PRRC2C: variants seen among roughly 807,000 people sequenced by gnomAD.
The protein encoded by PRRC2C is protein PRRC2C.
In PRRC2C, 72 loss-of-function variants were observed where a neutral mutation model predicts 317.2. The ratio of observed to expected loss-of-function variants is 0.23; its 90% CI spans 0.19 to 0.28. The LOEUF is 0.28. PRRC2C is among the 10% of genes least tolerant of loss of function. The pLI is 1.00. For missense variants in PRRC2C, 3,074 were observed against 3,459.7 expected, an observed-to-expected ratio of 0.89 and a Z score of 2.80; for synonymous variants, 1,296 against 1,205.9, an observed-to-expected ratio of 1.07 and a Z score of -1.55.
At chr1:171,506,767 A>C (rs1028634894) in intron 1 of PRRC2C, among the ~76,000 whole-genome samples, 2 of 150,352 alleles carry the variant, frequency 1.3e-5, no homozygotes, top group East Asian at 2.0e-4. Context: ...TGCAGCCTGC[A>C]GTATTGTTTC....
At chr1:171,547,593 A>C (rs1679350848) in intron 17 of PRRC2C, among the ~76,000 whole-genome samples, 1 of 151,988 alleles carries the variant, frequency 6.6e-6, no homozygotes, top group African/African-American at 2.4e-5. Flanking sequence ...TATAAATCAG[A>C]ATAAACTGGG....
At chr1:171,536,915 A>G (rs1361538339) in intron 14 of PRRC2C, among the ~76,000 whole-genome samples, 1 of 152,222 alleles carries the variant, frequency 6.6e-6, no homozygotes, top group Non-Finnish European at 1.5e-5. Context: ...TTATCATAGT[A>G]TAATTTTCAT....
chr1:171,576,183 G>A (rs1685662290), intron 25 of PRRC2C, among the ~76,000 whole-genome samples: 1 of 152,310 alleles, frequency 6.6e-6, no homozygotes, highest in East Asian at 1.9e-4. Flanking sequence ...ACTAGCTTGA[G>A]CCCCAGTCCA....
intron 19 of PRRC2C, among the ~76,000 whole-genome samples, chr1:171,558,378 T>TA (rs1553235973): frequency 1.3e-5 from 2 of 150,726 alleles, no homozygotes; most frequent in Admixed American, 6.6e-5. Flanking sequence ...AGGCAATGTT[T>TA]GGGGGGGTCT....
chr1:171,546,747 T>G (rs1268434088), intron 17 of PRRC2C, among the ~76,000 whole-genome samples: 1 of 152,126 alleles, frequency 6.6e-6, no homozygotes, highest in Non-Finnish European at 1.5e-5. Context: ...AGTACAAGCA[T>G]GAGCCACCAT....
chr1:171,552,375 G>C (rs1051426002), intron 18 of PRRC2C, among the ~76,000 whole-genome samples: 6 of 152,088 alleles, frequency 3.9e-5, no homozygotes, highest in African/African-American at 1.4e-4. Flanking sequence ...GAGACGATGG[G>C]GTTTTCTAAA....
At position 171,540,759 on chromosome 1, in the gene PRRC2C, C is replaced by T. The variant is rs1365129157; in HGVS notation, c.3293C>T (p.Ala1098Val). ...CCTTCAACAGAAACTGCAACTTTGG[C>T]TCAAAAACCATCTCAGGATACTGAG... is the stretch of plus-strand genomic sequence containing the variant. ...KFPSTETATL[A>V]QKPSQDTEKP... The change falls in exon 16 of 35, where the codon GCT becomes GTT. Residue 1098 changes from alanine (A) to valine (V), a missense_variant. By Grantham distance (64) the Ala-to-Val change is moderately conservative. This residue lies in a region of PRRC2C where 1,320 missense variants were observed against 1,395.7 expected (regional missense o/e 0.95). Coordinates refer to ENST00000647382, the MANE Select transcript of PRRC2C (RefSeq NM_001387844.1). 2 of 1,613,982 alleles carry T rather than the reference C, an allele frequency of 1.2e-6. No individual in the cohort carries two copies. Among genetic ancestry groups the T allele is most frequent in the Admixed American group, 1.7e-5 (1 of 60,018 alleles).
At chr1:171,517,919 A>G (rs1672672861) in intron 6 of PRRC2C, 105 bp downstream of exon 6, 4 of 890,334 alleles carry the variant, frequency 4.5e-6, no homozygotes, top group Admixed American at 5.5e-5. Flanking sequence ...TTTCATTAAC[A>G]TCTAACTAAA....
At chr1:171,538,684 A>G (rs545865435) in intron 15 of PRRC2C, among the ~76,000 whole-genome samples, 2 of 152,286 alleles carry the variant, frequency 1.3e-5, no homozygotes, top group South Asian at 4.1e-4. Flanking sequence ...TTTTTCCTTA[A>G]GGAATAAACT....
At chr1:171,491,583 T>A (rs1667158576) in intron 1 of PRRC2C, among the ~76,000 whole-genome samples, 1 of 152,070 alleles carries the variant, frequency 6.6e-6, no homozygotes, top group African/African-American at 2.4e-5. Flanking sequence ...TAGAACAACA[T>A]CAAAAACAAT....
chr1:171,488,966 A>G (rs958541160), intron 1 of PRRC2C, among the ~76,000 whole-genome samples: 2 of 152,208 alleles, frequency 1.3e-5, no homozygotes, highest in Admixed American at 6.5e-5. Flanking sequence ...GGTATTATGT[A>G]TGTAGCATAC....
At chr1:171,517,167 C>A (rs2102292148) in intron 5 of PRRC2C, among the ~76,000 whole-genome samples, 1 of 152,268 alleles carries the variant, frequency 6.6e-6, no homozygotes, top group East Asian at 1.9e-4. Flanking sequence ...CTGTAACTAA[C>A]AATAATATAC....
Position 171,532,563 on chromosome 1 carries a change from A to C in PRRC2C, c.1475A>C (p.Glu492Ala). The C allele has an allele frequency of 6.3e-7, 1 of 1,576,802 alleles. No individual in the cohort carries two copies. The highest frequency in any genetic ancestry group is 8.6e-7 in the Non-Finnish European group (1 of 1,161,182). The change falls in exon 12 of 35, where the codon GAG becomes GCG. Residue 492 changes from glutamate (E) to alanine (A), a missense_variant. Physicochemically the swap from Glu to Ala is moderately radical, Grantham distance 107 (BLOSUM62 -1). Coordinates refer to ENST00000647382, the MANE Select transcript of PRRC2C (RefSeq NM_001387844.1). ...ACAEKLKRLD[E>A]KLGILEKQPS... ...GCGGAGAAACTGAAACGATTGGATGAGAAGCTTGGCATCCTGGAAAAACAA... is the reference window on the plus strand; with the variant it reads ...GCGGAGAAACTGAAACGATTGGATGCGAAGCTTGGCATCCTGGAAAAACAA...
In PRRC2C at chr1:171,532,857, A is replaced by G. The variant is rs1276933149; in HGVS notation, c.1769A>G (p.Glu590Gly). ...ATGAAAGAACAAGAAAAGGAATGTG[A>G]GCTGGAGAAGGAAAGGGAAAAATTA... The part of the protein sequence containing the change: ...QKMKEQEKEC[E>G]LEKEREKLEE... Residue 590 changes from glutamate to glycine, a missense_variant, in exon 12 of 35, where the codon GAG (glutamate) becomes GGG (glycine). Coordinates refer to ENST00000647382, the MANE Select transcript of PRRC2C (RefSeq NM_001387844.1). The G allele has an allele frequency of 3.1e-6, 5 of 1,597,172 alleles. No homozygotes were observed. The highest frequency in any genetic ancestry group is 4.3e-6 in the Non-Finnish European group (5 of 1,176,054).
At position 171,579,916 on chromosome 1, in the gene PRRC2C, C is replaced by T; in HGVS notation, c.7361C>T (p.Ala2454Val). The T allele has an allele frequency of 6.3e-7, 1 of 1,596,836 alleles. No individual in the cohort carries two copies. Among genetic ancestry groups the T allele is most frequent in the East Asian group, 2.3e-5 (1 of 44,246 alleles). Residue 2454 changes from alanine to valine, a missense_variant, in exon 28 of 35, where the codon GCT becomes GTT. Transcript: ENST00000647382. Reference sequence around the variant, plus strand: ...CAACTGAGTTTGGGGGCTGGCCCTGCTGTTTCCCAGGCTCAGGAATTGTTC... The same window carrying T: ...CAACTGAGTTTGGGGGCTGGCCCTGTTGTTTCCCAGGCTCAGGAATTGTTC... ...QAQLSLGAGPAVSQAQELFSS... is the reference protein window; with the variant it reads ...QAQLSLGAGPVVSQAQELFSS...
At chr1:171,500,155 T>C (rs985560412) in intron 1 of PRRC2C, among the ~76,000 whole-genome samples, 1 of 152,156 alleles carries the variant, frequency 6.6e-6, no homozygotes, top group Non-Finnish European at 1.5e-5. Flanking sequence ...TAGAAACCCA[T>C]TGTGGCCAGA....
In PRRC2C at chr1:171,522,243, T is replaced by G; in HGVS notation, c.817T>G (p.Leu273Val). The G allele has an allele frequency of 6.3e-7, 1 of 1,583,384 alleles. No individual in the cohort carries two copies. The highest frequency in any genetic ancestry group is 2.2e-5 in the East Asian group (1 of 44,622). ...LHGPMRFPPS[L>V]SETNKGLRGR... ...TGGTCCCATGAGATTCCCACCTTCT[T>G]TATCTGAAACAAACAAGTAAGGCTA... Residue 273 changes from leucine to valine, a missense_variant, in exon 7 of 35, where the codon TTA (leucine) becomes GTA (valine). Transcript: ENST00000647382.
At chr1:171,585,959 A>G (rs1004905815) in intron 30 of PRRC2C, among the ~76,000 whole-genome samples, 1 of 152,012 alleles carries the variant, frequency 6.6e-6, no homozygotes, top group Non-Finnish European at 1.5e-5. Flanking sequence ...TACTTTATAC[A>G]TATAACCTGA....
intron 14 of PRRC2C, 36 bp downstream of exon 14, chr1:171,536,314 A>C: frequency 6.3e-7 from 1 of 1,584,610 alleles, no homozygotes; most frequent in African/African-American, 1.3e-5. Flanking sequence ...TTACAGGATC[A>C]AAATTTTTTT....
Sources: allele counts gnomAD v4.1 joint callset (sites outside exome capture counted in the v4.1 genomes callset), GRCh38; gene constraint gnomAD v4.1.1; regional missense constraint gnomAD v4.1.1; transcripts MANE v1.5; gene names NCBI Gene and HGNC (gene_info 2026-07-23, HGNC 2026-07-21).